Variants in SLCO1B1 observed in about 807,000 individuals in gnomAD.
The protein encoded by SLCO1B1 is OATP-2.
A neutral mutation model predicts 70.1 loss-of-function variants in SLCO1B1; 81 were observed. The ratio of observed to expected loss-of-function variants is 1.16; its 90% CI spans 0.97 to 1.39. SLCO1B1 has a LOEUF of 1.39. Ranked by LOEUF, SLCO1B1 falls within the 40% of genes most tolerant of loss-of-function variation. The pLI is 0.00. For missense variants in SLCO1B1, 895 were observed against 799.6 expected, an observed-to-expected ratio of 1.12 and a Z score of -1.44; for synonymous variants, 283 against 271.5, an observed-to-expected ratio of 1.04 and a Z score of -0.42.
In SLCO1B1 at chr12:21,200,551, T is replaced by A. The variant is rs752570053; in HGVS notation, c.1014T>A (p.Tyr338Ter). The change falls in exon 9 of 15, where the codon TAT becomes TAA. Residue 338 changes from tyrosine (Y) to a stop codon, truncating the protein, a stop_gained. Coordinates refer to ENST00000256958, the MANE Select transcript of SLCO1B1 (RefSeq NM_006446.5). LOFTEE classifies it high-confidence loss of function. ...AAAGCATCCTTACTAATCCCCTGTA[T>A]GTTATGTTTGTGCTTTTGACGTTGT... Reference protein sequence around the residue: ...SFKSILTNPLYVMFVLLTLLQ... With the variant: ...SFKSILTNPL 2 of 1,605,332 alleles carry A rather than the reference T, an allele frequency of 1.2e-6. No homozygotes were observed. Among genetic ancestry groups the A allele is most frequent in the Non-Finnish European group, 1.7e-6 (2 of 1,174,710 alleles).
chr12:21,138,838 T>C (rs973736609), intron 1 of SLCO1B1, among the ~76,000 whole-genome samples: 1 of 152,162 alleles, frequency 6.6e-6, no homozygotes, highest in African/African-American at 2.4e-5. Context: ...TTCTTGGGAC[T>C]GTGGTTTCAT....
At chr12:21,151,119 C>T (rs1302774155) in intron 2 of SLCO1B1, among the ~76,000 whole-genome samples, 2 of 152,132 alleles carry the variant, frequency 1.3e-5, no homozygotes, top group Non-Finnish European at 2.9e-5. Context: ...GCTACCAAAA[C>T]CTGTACATTA....
intron 2 of SLCO1B1, among the ~76,000 whole-genome samples, chr12:21,148,694 G>A (rs1298146730): frequency 9.7e-6 from 1 of 102,914 alleles, no homozygotes; most frequent in Non-Finnish European, 2.1e-5. Context: ...GGCTATATGG[G>A]CTTTTTTTTT....
rs748988310 is a variant in SLCO1B1 at position 21,202,628 on chromosome 12, T to C, written c.1273T>C (p.Tyr425His). 1.9e-6 allele frequency: 3 copies of C among 1,612,910 alleles called. No individual in the cohort carries two copies. Among genetic ancestry groups the C allele is most frequent in the Middle Eastern group, 1.6e-4 (1 of 6,070 alleles). ...AVMSLSFYLL[Y>H]FFILCENKSV... ...GATGTCATTGTCCTTTTACCTATTA[T>C]ATTTTTTCATACTCTGTGAAAACAA... Residue 425 changes from tyrosine (Y) to histidine (H), a missense_variant, in exon 10 of 15, where the codon TAT becomes CAT. Tyr to His is a moderately conservative substitution (Grantham distance 83). Transcript: ENST00000256958.
Position 21,197,196 on chromosome 12 carries a change from T to A in SLCO1B1, c.970+8T>A. On this transcript the variant is annotated splice_region_variant and intron_variant, in intron 8 of 14. Coordinates refer to ENST00000256958, the MANE Select transcript of SLCO1B1 (RefSeq NM_006446.5). ...TTACCAAAAATGTGACTGGTAAGTATTTAACATTCATTGTCAATTTGGAGT... is the reference window on the plus strand; with the variant it reads ...TTACCAAAAATGTGACTGGTAAGTAATTAACATTCATTGTCAATTTGGAGT... 6.2e-7 allele frequency: 1 copy of A among 1,612,406 alleles called. No homozygotes were observed. The highest frequency in any genetic ancestry group is 8.5e-7 in the Non-Finnish European group (1 of 1,179,112).
intron 7 of SLCO1B1, among the ~76,000 whole-genome samples, chr12:21,189,227 A>C (rs1940998976): frequency 6.6e-6 from 1 of 152,170 alleles, no homozygotes; most frequent in Non-Finnish European, 1.5e-5. Context: ...GTATTCTACC[A>C]GCAGTGTACC....
intron 14 of SLCO1B1, among the ~76,000 whole-genome samples, chr12:21,228,040 CATATT>C (rs1024038497): frequency 3.6e-4 from 54 of 152,038 alleles, no homozygotes; most frequent in African/African-American, 1.1e-3. Flanking sequence ...ATAAGACAGA[CATATT>C]ATATATATGT....
At position 21,139,471 on chromosome 12, in the gene SLCO1B1, T is replaced by C. The variant is rs74808576; in HGVS notation, c.-61-2043T>C. On this transcript the variant is annotated intron_variant, in intron 1 of 14. Transcript: ENST00000256958. ...CCATATGTTGATATATACTCACATATATGTAAGTGATAATATCCTGTTTGT... is the reference window on the plus strand; with the variant it reads ...CCATATGTTGATATATACTCACATACATGTAAGTGATAATATCCTGTTTGT... Among the ~76,000 whole-genome samples, 312 of 152,256 alleles carry C rather than the reference T, an allele frequency of 2.0e-3. 1 individual carries two copies. Among genetic ancestry groups the C allele is most frequent in the African/African-American group, 7.0e-3 (291 of 41,574 alleles).
intron 1 of SLCO1B1, among the ~76,000 whole-genome samples, chr12:21,134,927 G>T (rs1422238315): frequency 2.0e-5 from 3 of 152,088 alleles, no homozygotes; most frequent in Non-Finnish European, 4.4e-5. Context: ...TGTGATGTTG[G>T]GGTGTCAATT....
chr12:21,133,055 T>A (rs1345144167), intron 1 of SLCO1B1, among the ~76,000 whole-genome samples: 4 of 152,132 alleles, frequency 2.6e-5, no homozygotes, highest in Middle Eastern at 3.4e-3. Flanking sequence ...ACATATGGCT[T>A]GCCAGTTTTC....
intron 11 of SLCO1B1, among the ~76,000 whole-genome samples, chr12:21,207,202 A>G (rs1941224616): frequency 6.6e-6 from 1 of 151,972 alleles, no homozygotes; most frequent in African/African-American, 2.4e-5. Context: ...GTATATTGTG[A>G]TAAGCTAAAG....
chr12:21,136,901 G>A (rs1169678868), intron 1 of SLCO1B1, among the ~76,000 whole-genome samples: 2 of 152,172 alleles, frequency 1.3e-5, no homozygotes, highest in Admixed American at 1.3e-4. Flanking sequence ...GAGGAGGAGA[G>A]GCGCTCTGAT....
At chr12:21,223,628 C>G (rs957595967) in intron 13 of SLCO1B1, among the ~76,000 whole-genome samples, 6 of 152,004 alleles carry the variant, frequency 3.9e-5, no homozygotes, top group Non-Finnish European at 5.9e-5. Flanking sequence ...ATATTTCTCA[C>G]TCTCAAAAAA....
At chr12:21,137,594 G>A (rs1452658637) in intron 1 of SLCO1B1, among the ~76,000 whole-genome samples, 1 of 152,158 alleles carries the variant, frequency 6.6e-6, no homozygotes, top group Admixed American at 6.5e-5. Flanking sequence ...GGATGGCTGT[G>A]CTTGCAATGA....
intron 14 of SLCO1B1, among the ~76,000 whole-genome samples, chr12:21,235,119 G>A (rs1320070006): frequency 7.4e-6 from 1 of 135,248 alleles, no homozygotes; most frequent in Non-Finnish European, 1.6e-5. Flanking sequence ...CCTTGATGAT[G>A]TGCCTGCCTA....
At chr12:21,166,362 A>G (rs985426108) in intron 2 of SLCO1B1, among the ~76,000 whole-genome samples, 11 of 152,212 alleles carry the variant, frequency 7.2e-5, no homozygotes, top group African/African-American at 2.7e-4. Flanking sequence ...ATTTCTCATC[A>G]GAGACCAGAA....
chr12:21,157,990 A>G (rs1279589427), intron 2 of SLCO1B1, among the ~76,000 whole-genome samples: 1 of 152,144 alleles, frequency 6.6e-6, no homozygotes, highest in Non-Finnish European at 1.5e-5. Context: ...AGGTCACATT[A>G]TTTGTGTTAT....
chr12:21,187,573 G>A (rs11045833), intron 7 of SLCO1B1, among the ~76,000 whole-genome samples: 31,866 of 151,742 alleles, frequency 0.21, 3,424 homozygotes, highest in South Asian at 0.29. Context: ...ATACTCTAAC[G>A]AAAGGATTAT....
rs192087721 is a variant in SLCO1B1, at chr12:21,170,999, G to A, written c.85-1651G>A. The stretch of plus-strand genomic sequence containing the variant: ...AGACACTGTCCTAATCACTGGGGAC[G>A]GAGCAATGAACAAAACAGACAAAAA... On this transcript the variant is annotated intron_variant, in intron 2 of 14. Coordinates refer to ENST00000256958, the MANE Select transcript of SLCO1B1 (RefSeq NM_006446.5). Among the ~76,000 whole-genome samples the A allele has an allele frequency of 1.6e-3, 236 of 152,242 alleles. 3 individuals are homozygous for A. The highest frequency in any genetic ancestry group is 5.6e-3 in the African/African-American group (232 of 41,532).
Sources: gnomAD v4.1 joint callset for allele counts (sites outside exome capture counted in the v4.1 genomes callset) on GRCh38, gnomAD v4.1.1 for gene constraint, MANE v1.5 for transcripts, NCBI Gene and HGNC (gene_info 2026-07-23, HGNC 2026-07-21) for gene names.